Variants in SYT14 observed in about 807,000 individuals in gnomAD.
The protein encoded by SYT14 is synaptotagmin-14.
Under a neutral mutation model 74.2 loss-of-function variants are expected in SYT14, and 32 were observed. The ratio of observed to expected loss-of-function variants is 0.43; its 90% confidence interval spans 0.33 to 0.58. SYT14 has a LOEUF of 0.58. Ranked by LOEUF, SYT14 falls within the 20% of genes least tolerant of loss-of-function variation. The probability of loss-of-function intolerance (pLI) is 0.05; values close to 1 mark genes in which losing one functional copy is unlikely to be tolerated. For synonymous variants in SYT14, 298 were observed against 337.7 expected (o/e 0.88, Z 1.29); for missense variants, 791 against 981.8 (o/e 0.81, Z 2.60).
chr1:210,094,285 A>G, intron 5 of SYT14, 37 bp from the exon 5 acceptor site: 7 of 1,613,512 alleles, frequency 4.3e-6, no homozygotes, highest in Non-Finnish European at 5.9e-6. Context: ...TGTTGAGGCT[A>G]ATTGGAAACA....
intron 5 of SYT14, among the ~76,000 whole-genome samples, chr1:210,062,275 A>C (rs1456309395): frequency 6.6e-6 from 1 of 152,002 alleles, no homozygotes; most frequent in East Asian, 1.9e-4. Context: ...CATATTTGGA[A>C]ATTTGATTCT....
intron 5 of SYT14, among the ~76,000 whole-genome samples, chr1:210,060,288 A>G (rs1190191724): frequency 6.6e-6 from 1 of 152,110 alleles, no homozygotes; most frequent in Non-Finnish European, 1.5e-5. Context: ...GGTCCATTCC[A>G]CTTCTCACAT....
chr1:209,959,845 A>G (rs1231945270), intron 2 of SYT14, among the ~76,000 whole-genome samples: 2 of 152,176 alleles, frequency 1.3e-5, no homozygotes, highest in African/African-American at 2.4e-5. Context: ...GAAATTAGAT[A>G]GTGGTTGCAC....
At chr1:210,139,359 T>G (rs1002383) in intron 7 of SYT14, among the ~76,000 whole-genome samples, 19,830 of 149,088 alleles carry the variant, frequency 0.13, 4,266 homozygotes, top group African/African-American at 0.45. Flanking sequence ...ATTACAGGTG[T>G]GAGCCACCAC....
intron 2 of SYT14, among the ~76,000 whole-genome samples, chr1:209,990,026 A>C (rs1053623851): frequency 8.5e-5 from 13 of 152,276 alleles, no homozygotes; most frequent in African/African-American, 2.6e-4. Context: ...CATATAAATC[A>C]ATTTTAATAA....
exon 4 of SYT14, chr1:210,015,815 T>G (rs1334096777): frequency 8.8e-7 from 1 of 1,137,352 alleles, no homozygotes; most frequent in Non-Finnish European, 1.1e-6. Flanking sequence ...GGAAGAATCT[T>G]TACTTCAACA....
intron 5 of SYT14, among the ~76,000 whole-genome samples, chr1:210,047,896 T>C (rs1000877350): frequency 3.3e-5 from 5 of 152,210 alleles, no homozygotes; most frequent in African/African-American, 4.8e-5. Flanking sequence ...AGGAATACTA[T>C]GTCAGTGAGA....
intron 5 of SYT14, among the ~76,000 whole-genome samples, chr1:210,048,566 C>T (rs1221824422): frequency 6.6e-6 from 1 of 152,166 alleles, no homozygotes; most frequent in Non-Finnish European, 1.5e-5. Context: ...AATTCAGTCA[C>T]CTCCCATCGA....
At chr1:209,969,215 A>G (rs949357970) in intron 2 of SYT14, among the ~76,000 whole-genome samples, 2 of 152,118 alleles carry the variant, frequency 1.3e-5, no homozygotes, top group Non-Finnish European at 2.9e-5. Flanking sequence ...ATATGTGTGC[A>G]TATGCCTTTT....
At chr1:209,988,002 A>T (rs2079600466) in intron 2 of SYT14, among the ~76,000 whole-genome samples, 1 of 152,074 alleles carries the variant, frequency 6.6e-6, no homozygotes. Context: ...GTTTTCATTA[A>T]ATTTGGAACA....
chr1:210,147,248 T>A (rs1015899745), intron 7 of SYT14, among the ~76,000 whole-genome samples: 5 of 151,938 alleles, frequency 3.3e-5, no homozygotes, highest in African/African-American at 1.2e-4. Flanking sequence ...AATGAAAAAG[T>A]CATTAAAAAT....
intron 7 of SYT14, among the ~76,000 whole-genome samples, chr1:210,108,745 A>T (rs2082204808): frequency 6.6e-6 from 1 of 152,208 alleles, no homozygotes; most frequent in Non-Finnish European, 1.5e-5. Context: ...GTAGATCATG[A>T]AATAAGAGAG....
At chr1:210,001,451 G>C (rs1252064173) in intron 2 of SYT14, among the ~76,000 whole-genome samples, 1 of 151,424 alleles carries the variant, frequency 6.6e-6, no homozygotes, top group South Asian at 2.1e-4. Flanking sequence ...TCTGGATTTG[G>C]GTTTTAGTAT....
At chr1:210,036,454 A>T (rs1401278455) in intron 5 of SYT14, among the ~76,000 whole-genome samples, 1 of 152,000 alleles carries the variant, frequency 6.6e-6, no homozygotes, top group African/African-American at 2.4e-5. Context: ...TCTGCCTAGG[A>T]CTTCCCAGTA....
intron 5 of SYT14, among the ~76,000 whole-genome samples, chr1:210,050,822 A>G (rs1220339438): frequency 6.6e-6 from 1 of 152,136 alleles, no homozygotes; most frequent in Admixed American, 6.5e-5. Flanking sequence ...ATATAATTCA[A>G]TCCCTTTCCA....
At chr1:210,120,016 A>G (rs554057321) in intron 7 of SYT14, among the ~76,000 whole-genome samples, 1 of 152,328 alleles carries the variant, frequency 6.6e-6, no homozygotes, top group East Asian at 1.9e-4. Context: ...CAAAAGGTAT[A>G]CATTATTTTC....
At chr1:209,943,508 C>CAAAAAAAAAAAAA (rs58806792) in intron 1 of SYT14, among the ~76,000 whole-genome samples, 1 of 59,308 alleles carries the variant, frequency 1.7e-5, no homozygotes, top group Non-Finnish European at 2.9e-5. Context: ...GATTCAATCT[C>CAAAAAAAAAAAAA]AAAAAAAAAA....
At chr1:210,147,320 C>T (rs1280638189) in intron 7 of SYT14, among the ~76,000 whole-genome samples, 1 of 151,834 alleles carries the variant, frequency 6.6e-6, no homozygotes, top group African/African-American at 2.4e-5. Context: ...AGCATATTTT[C>T]CAATAAGGAC....
intron 2 of SYT14, among the ~76,000 whole-genome samples, chr1:209,987,117 A>T (rs1329420921): frequency 6.6e-6 from 1 of 152,098 alleles, no homozygotes; most frequent in Non-Finnish European, 1.5e-5. Flanking sequence ...CATTTAACTC[A>T]TCTCTAAGCA....
Sources: gnomAD v4.1 joint callset for allele counts (sites outside exome capture counted in the v4.1 genomes callset) on GRCh38, gnomAD v4.1.1 for gene constraint, MANE v1.5 for transcripts, NCBI Gene and HGNC (gene_info 2026-07-23, HGNC 2026-07-21) for gene names.